The following ASTN2 variants were observed in gnomAD, a reference collection of about 807,000 sequenced individuals.
The protein encoded by ASTN2 is astrotactin-2.
ASTN2 carries 54 observed loss-of-function variants against 139.8 expected under a neutral mutation model. The observed-to-expected ratio is 0.39, with a 90% CI of 0.31 to 0.48. The LOEUF (loss-of-function observed/expected upper bound fraction) is 0.48, where lower values mean the gene tolerates loss of function less well. ASTN2 is among the 20% of genes least tolerant of loss of function. The probability of loss-of-function intolerance (pLI) is 0.95; values close to 1 mark genes in which losing one functional copy is unlikely to be tolerated. For missense variants in ASTN2, 1,565 were observed against 1,725.1 expected (o/e 0.91, Z 1.64); for synonymous variants, 756 against 719.5 (o/e 1.05, Z -0.81).
chr9:117,360,843 A>G (rs1323173181), intron 1 of ASTN2, among the ~76,000 whole-genome samples: 2 of 152,188 alleles, frequency 1.3e-5, no homozygotes, highest in East Asian at 3.9e-4. Context: ...TTGTACTCTA[A>G]AAATCTGTGC....
intron 11 of ASTN2, among the ~76,000 whole-genome samples, chr9:116,831,160 C>G (rs1831801987): frequency 6.6e-6 from 1 of 152,096 alleles, no homozygotes; most frequent in African/African-American, 2.4e-5. Context: ...CCTGCACGTA[C>G]AGAGTGCAAT....
intron 11 of ASTN2, among the ~76,000 whole-genome samples, chr9:116,839,881 A>ATTATTATTAT (rs55634992): frequency 7.8e-6 from 1 of 127,982 alleles, no homozygotes; most frequent in African/African-American, 3.0e-5. Context: ...TATTATTATT[A>ATTATTATTAT]TTTTTTTTTT....
intron 1 of ASTN2, among the ~76,000 whole-genome samples, chr9:117,366,038 G>T (rs963002957): frequency 6.6e-6 from 1 of 152,120 alleles, no homozygotes; most frequent in Admixed American, 6.5e-5. Flanking sequence ...CAAGGCCTCT[G>T]TTCGTTTCCC....
At chr9:117,175,362 G>A (rs1830891689) in intron 3 of ASTN2, among the ~76,000 whole-genome samples, 1 of 152,136 alleles carries the variant, frequency 6.6e-6, no homozygotes, top group Non-Finnish European at 1.5e-5. Context: ...TAAGTTTTGT[G>A]AATTTTGCAA....
At chr9:117,412,955 T>C (rs1041893690) in intron 1 of ASTN2, among the ~76,000 whole-genome samples, 2 of 152,122 alleles carry the variant, frequency 1.3e-5, no homozygotes, top group African/African-American at 4.8e-5. Flanking sequence ...TTTGTGTGTG[T>C]CTGTGTGTGT....
At chr9:116,447,590 A>T (rs1343896489) in intron 20 of ASTN2, among the ~76,000 whole-genome samples, 1 of 152,154 alleles carries the variant, frequency 6.6e-6, no homozygotes, top group East Asian at 1.9e-4. Flanking sequence ...GGGATCAGCC[A>T]ATTTGTTGTT....
At chr9:116,865,189 G>T (rs1832983927) in intron 10 of ASTN2, among the ~76,000 whole-genome samples, 1 of 152,056 alleles carries the variant, frequency 6.6e-6, no homozygotes, top group Admixed American at 6.6e-5. Context: ...GGTGAGGAAG[G>T]GCTGGGCATA....
intron 19 of ASTN2, among the ~76,000 whole-genome samples, chr9:116,615,593 G>A (rs1855803850): frequency 6.6e-6 from 1 of 152,050 alleles, no homozygotes; most frequent in African/African-American, 2.4e-5. Context: ...GATGAAGCTG[G>A]AAACCATCAT....
intron 7 of ASTN2, among the ~76,000 whole-genome samples, chr9:116,984,704 G>C (rs923126554): frequency 6.6e-6 from 1 of 152,286 alleles, no homozygotes; most frequent in Non-Finnish European, 1.5e-5. Flanking sequence ...GATAATTTGG[G>C]CACTGTTGAG....
At position 117,143,270 on chromosome 9, in the gene ASTN2, G is replaced by GAT. The variant is rs146566250; in HGVS notation, c.1016-1793_1016-1792insAT. On this transcript the variant is annotated intron_variant, in intron 3 of 22. Transcript: ENST00000313400. Reference sequence around the variant, plus strand: ...GATATCTTAATTAGGTGTACTTGAAGAAACCAAGAAGATTCCAGACATGGG... The same window carrying GAT: ...GATATCTTAATTAGGTGTACTTGAAGATAAACCAAGAAGATTCCAGACATGGG... 4.4e-3 allele frequency among the ~76,000 whole-genome samples: 664 copies of GAT among 152,318 alleles called. 4 individuals carry two copies. The highest frequency in any genetic ancestry group is 0.015 in the African/African-American group (620 of 41,566).
intron 2 of ASTN2, among the ~76,000 whole-genome samples, chr9:117,273,258 C>A (rs1421220208): frequency 2.0e-5 from 3 of 152,146 alleles, no homozygotes; most frequent in Non-Finnish European, 4.4e-5. Context: ...AGATCAACCC[C>A]CATGATTCAA....
intron 3 of ASTN2, among the ~76,000 whole-genome samples, chr9:117,142,059 G>C (rs138604038): frequency 3.8e-4 from 58 of 152,316 alleles, no homozygotes; most frequent in African/African-American, 1.3e-3. Flanking sequence ...GATCTGAAAC[G>C]AGAAGGAGCA....
At chr9:116,645,256 A>G (rs1403767984) in intron 17 of ASTN2, among the ~76,000 whole-genome samples, 1 of 152,160 alleles carries the variant, frequency 6.6e-6, no homozygotes, top group East Asian at 1.9e-4. Context: ...TTTAAGCACC[A>G]GTTGTGCTGA....
intron 3 of ASTN2, among the ~76,000 whole-genome samples, chr9:117,188,050 T>C (rs1285390741): frequency 6.6e-6 from 1 of 151,918 alleles, no homozygotes; most frequent in Non-Finnish European, 1.5e-5. Context: ...GTCCTGTGCA[T>C]TGTAGAATGT....
chr9:116,721,047 T>C (rs1466876056), intron 16 of ASTN2, among the ~76,000 whole-genome samples: 1 of 152,150 alleles, frequency 6.6e-6, no homozygotes, highest in East Asian at 1.9e-4. Flanking sequence ...GGGAACACAG[T>C]AATCGAAGTG....
chr9:117,102,875 G>T (rs577770470), intron 4 of ASTN2, among the ~76,000 whole-genome samples: 78 of 143,888 alleles, frequency 5.4e-4, no homozygotes, highest in Non-Finnish European at 9.6e-4. Context: ...ACGAAAAAAA[G>T]AAACCAACTT....
At chr9:117,147,870 C>T (rs187773942) in intron 3 of ASTN2, among the ~76,000 whole-genome samples, 1 of 152,276 alleles carries the variant, frequency 6.6e-6, no homozygotes, top group Non-Finnish European at 1.5e-5. Flanking sequence ...TAAGTACTCC[C>T]TCTCTGGTTG....
At chr9:117,411,544 T>C (rs1186245579) in intron 1 of ASTN2, among the ~76,000 whole-genome samples, 3 of 150,804 alleles carry the variant, frequency 2.0e-5, no homozygotes, top group African/African-American at 7.3e-5. Context: ...GGGTTAAATA[T>C]GAAGGTGACC....
chr9:117,099,632 G>A (rs940137894), intron 4 of ASTN2, among the ~76,000 whole-genome samples: 2 of 152,148 alleles, frequency 1.3e-5, no homozygotes, highest in African/African-American at 4.8e-5. Context: ...TAGGAGATAG[G>A]TTACTACATT....
Sources: gnomAD v4.1 joint callset for allele counts (sites outside exome capture counted in the v4.1 genomes callset) on GRCh38, gnomAD v4.1.1 for gene constraint, MANE v1.5 for transcripts, NCBI Gene and HGNC (gene_info 2026-07-23, HGNC 2026-07-21) for gene names.